The following PPARGC1A variants were observed in gnomAD, a reference collection of about 807,000 sequenced individuals.
PPARGC1A encodes PPARG coactivator 1 alpha.
A neutral mutation model predicts 88.7 loss-of-function variants in PPARGC1A; 25 were observed. The ratio of observed to expected loss-of-function variants is 0.28; its 90% CI spans 0.21 to 0.39. The LOEUF is 0.39. Among genes scored for constraint, PPARGC1A ranks in the 10% least tolerant of loss-of-function variants. PPARGC1A has a pLI of 1.00. For synonymous variants in PPARGC1A, 363 were observed against 355.6 expected (o/e 1.02, Z -0.24); for missense variants, 880 against 968.7 (o/e 0.91, Z 1.22).
the PPARGC1A span, among the ~76,000 whole-genome samples, chr4:24,138,066 A>G: frequency 6.6e-6 from 1 of 152,196 alleles, no homozygotes; most frequent in African/African-American, 2.4e-5. Flanking sequence ...ACGTGAGCAT[A>G]GAGCCCAAAG....
At chr4:24,168,618 C>T in the PPARGC1A span, among the ~76,000 whole-genome samples, 1 of 149,778 alleles carries the variant, frequency 6.7e-6, no homozygotes, top group African/African-American at 2.5e-5. Context: ...AGCTCACACA[C>T]ACACACACAA....
At chr4:24,300,275 A>G in the PPARGC1A span, among the ~76,000 whole-genome samples, 1 of 99,680 alleles carries the variant, frequency 1.0e-5, no homozygotes, top group Non-Finnish European at 2.2e-5. Flanking sequence ...TACTGCTTTT[A>G]TGGGTTTTTT....
At chr4:24,373,082 T>C in the PPARGC1A span, among the ~76,000 whole-genome samples, 1 of 152,148 alleles carries the variant, frequency 6.6e-6, no homozygotes, top group East Asian at 1.9e-4. Flanking sequence ...CAGTTCTACA[T>C]TCTGGAAGGG....
the PPARGC1A span, among the ~76,000 whole-genome samples, chr4:23,956,295 T>A: frequency 5.3e-5 from 8 of 152,136 alleles, no homozygotes; most frequent in African/African-American, 1.7e-4. Flanking sequence ...ATTCAATAGG[T>A]CTGAGGTGGG....
the PPARGC1A span, among the ~76,000 whole-genome samples, chr4:24,127,976 T>C: frequency 1.3e-5 from 2 of 152,202 alleles, no homozygotes; most frequent in African/African-American, 4.8e-5. Context: ...CTAGTGTTTA[T>C]GCCAAATACA....
the PPARGC1A span, among the ~76,000 whole-genome samples, chr4:24,268,922 G>GAACAGAAT: frequency 1.3e-5 from 2 of 152,158 alleles, no homozygotes; most frequent in African/African-American, 2.4e-5. Flanking sequence ...GTATAGTGAA[G>GAACAGAAT]AACAGAATAC....
the PPARGC1A span, among the ~76,000 whole-genome samples, chr4:24,085,162 C>G: frequency 6.6e-6 from 1 of 151,996 alleles, no homozygotes; most frequent in Non-Finnish European, 1.5e-5. Context: ...AACATCAAAC[C>G]TACTTATTTT....
the PPARGC1A span, among the ~76,000 whole-genome samples, chr4:24,282,026 C>G: frequency 6.6e-6 from 1 of 152,148 alleles, no homozygotes; most frequent in African/African-American, 2.4e-5. Flanking sequence ...ATGCTTTTAA[C>G]CTCTTGCTAT....
the PPARGC1A span, among the ~76,000 whole-genome samples, chr4:24,443,253 GGT>G: frequency 5.3e-4 from 20 of 38,086 alleles, no homozygotes; most frequent in African/African-American, 1.5e-3. Context: ...AAAATGTATG[GGT>G]TTTTTTTTTT....
the PPARGC1A span, among the ~76,000 whole-genome samples, chr4:24,325,697 G>A: frequency 2.6e-4 from 40 of 152,224 alleles, no homozygotes; most frequent in African/African-American, 7.0e-4. Flanking sequence ...CGATCGCCTC[G>A]GAAGCCCCGT....
chr4:24,347,917 ATG>A, the PPARGC1A span, among the ~76,000 whole-genome samples: 1 of 151,654 alleles, frequency 6.6e-6, no homozygotes, highest in East Asian at 1.9e-4. Flanking sequence ...TTCTGTTTTG[ATG>A]TGTTTTGATG....
chr4:24,051,645 G>A, the PPARGC1A span, among the ~76,000 whole-genome samples: 1 of 152,208 alleles, frequency 6.6e-6, no homozygotes, highest in East Asian at 1.9e-4. Flanking sequence ...TGAAAATGTA[G>A]AAGAACTGGC....
the PPARGC1A span, among the ~76,000 whole-genome samples, chr4:24,172,444 CT>C: frequency 2.6e-5 from 4 of 152,320 alleles, no homozygotes; most frequent in African/African-American, 7.2e-5. Flanking sequence ...CACAACGAAG[CT>C]GGGAATAGTC....
At chr4:24,323,380 G>A in the PPARGC1A span, among the ~76,000 whole-genome samples, 7 of 152,268 alleles carry the variant, frequency 4.6e-5, no homozygotes, top group East Asian at 1.4e-3. Flanking sequence ...CACAAAAGAA[G>A]TGAAAAGGCC....
chr4:24,093,789 G>C, the PPARGC1A span, among the ~76,000 whole-genome samples: 1 of 152,156 alleles, frequency 6.6e-6, no homozygotes, highest in African/African-American at 2.4e-5. Context: ...ACTTAGATTT[G>C]ATTATCAGCT....
chr4:24,195,177 T>C, the PPARGC1A span, among the ~76,000 whole-genome samples: 3 of 152,198 alleles, frequency 2.0e-5, no homozygotes, highest in African/African-American at 7.2e-5. Context: ...TTTAGGTAAA[T>C]CAAATCCCAG....
At chr4:24,382,743 G>A in the PPARGC1A span, among the ~76,000 whole-genome samples, 1 of 152,184 alleles carries the variant, frequency 6.6e-6, no homozygotes, top group African/African-American at 2.4e-5. Flanking sequence ...CCAGTCAGGG[G>A]CTTATAGATA....
At chr4:23,799,159 A>T (rs1455806763) in intron 12 of PPARGC1A, among the ~76,000 whole-genome samples, 1 of 152,188 alleles carries the variant, frequency 6.6e-6, no homozygotes, top group Non-Finnish European at 1.5e-5. Flanking sequence ...TGAAATGTGC[A>T]TGAACACTGA....
At chr4:24,122,612 T>C in the PPARGC1A span, among the ~76,000 whole-genome samples, 3 of 152,186 alleles carry the variant, frequency 2.0e-5, no homozygotes, top group Admixed American at 2.0e-4. Context: ...TGGAGAACAG[T>C]GTCCCTGCTC....
Sources: gnomAD v4.1 joint callset for allele counts (sites outside exome capture counted in the v4.1 genomes callset) on GRCh38, gnomAD v4.1.1 for gene constraint, MANE v1.5 for transcripts, NCBI Gene and HGNC (gene_info 2026-07-23, HGNC 2026-07-21) for gene names.